Variants in POLQ observed in about 807,000 individuals in gnomAD.
POLQ encodes the protein epididymis secretory sperm binding protein.
POLQ carries 233 observed loss-of-function variants against 259.2 expected under a neutral mutation model. The observed-to-expected ratio is 0.90, with a 90% CI of 0.81 to 1.00. POLQ has a LOEUF of 1.00. Among genes scored for constraint, POLQ ranks in the 50% least tolerant of loss-of-function variants. The probability of loss-of-function intolerance (pLI) is 0.00; values close to 1 mark genes in which losing one functional copy is unlikely to be tolerated. For missense variants in POLQ, 2,871 were observed against 3,051.6 expected (o/e 0.94, Z 1.39); for synonymous variants, 1,025 against 1,048.8 (o/e 0.98, Z 0.44).
intron 26 of POLQ, among the ~76,000 whole-genome samples, chr3:121,440,885 TTACGA>T (rs2047586148): frequency 6.6e-6 from 1 of 152,124 alleles, no homozygotes; most frequent in Non-Finnish European, 1.5e-5. Flanking sequence ...AATGCATGAG[TTACGA>T]TAAATATTTC....
At chr3:121,461,543 C>G (rs552576696) in intron 24 of POLQ, among the ~76,000 whole-genome samples, 1 of 150,962 alleles carries the variant, frequency 6.6e-6, no homozygotes, top group Non-Finnish European at 1.5e-5. Context: ...CCCAGCTAGT[C>G]GGGAGGCTGA....
chr3:121,502,292 C>A (rs2048176851), intron 12 of POLQ, among the ~76,000 whole-genome samples: 1 of 152,184 alleles, frequency 6.6e-6, no homozygotes, highest in Non-Finnish European at 1.5e-5. Flanking sequence ...CAACCTCTAC[C>A]TCCCAGGTTC....
chr3:121,500,766 C>T lies in POLQ; in HGVS notation c.1960-2096G>A, dbSNP rs371639939. Among the ~76,000 whole-genome samples, 24 of 152,062 alleles carry T rather than the reference C, an allele frequency of 1.6e-4. No individual in the cohort carries two copies. The East Asian group carries it at 1.7e-3, about 11-fold the overall frequency. ...ACATACAAAGGCATCCATACAAAGA[C>T]GCATCACAGTCAAAACATTAAAACT... is the stretch of plus-strand genomic sequence containing the variant. On this transcript the variant is annotated intron_variant, in intron 12 of 29. Coordinates refer to ENST00000264233, the MANE Select transcript of POLQ (RefSeq NM_199420.4).
intron 9 of POLQ, among the ~76,000 whole-genome samples, chr3:121,519,285 A>C (rs959112721): frequency 2.0e-5 from 3 of 151,668 alleles, no homozygotes; most frequent in African/African-American, 7.2e-5. Context: ...GATTTACATA[A>C]TACTAAATCA....
intron 21 of POLQ, 136 bp from the exon 22 acceptor site, chr3:121,472,300 T>C: frequency 2.2e-6 from 1 of 456,796 alleles, no homozygotes; most frequent in Non-Finnish European, 3.9e-6. Context: ...TTACTTGGAG[T>C]TTTTTAAACC....
At chr3:121,451,246 G>C (rs2108778787) in intron 25 of POLQ, among the ~76,000 whole-genome samples, 1 of 152,292 alleles carries the variant, frequency 6.6e-6, no homozygotes, top group East Asian at 1.9e-4. Context: ...TCCTCCTTTA[G>C]CTCGGAGAAG....
chr3:121,460,020 C>G (rs2047777867), intron 25 of POLQ, 30 bp downstream of exon 25: 2 of 1,554,738 alleles, frequency 1.3e-6, no homozygotes, highest in East Asian at 4.5e-5. Flanking sequence ...AATTCTTCTC[C>G]TTTATATTAA....
At chr3:121,449,490 T>A (rs1433589880) in intron 25 of POLQ, 64 bp from the exon 26 acceptor site, 1 of 895,062 alleles carries the variant, frequency 1.1e-6, no homozygotes, top group African/African-American at 1.7e-5. Context: ...AAAGGGTTCA[T>A]TAGGATGCGA....
In POLQ at chr3:121,489,038, T is replaced by C. The variant is rs1271767037; in HGVS notation, c.3893A>G (p.Tyr1298Cys). 3.7e-6 allele frequency: 6 copies of C among 1,613,362 alleles called. 1 individual carries two copies. The highest frequency in any genetic ancestry group is 4.2e-6 in the Non-Finnish European group (5 of 1,179,470). ...ISRLQEKTGTYTTNKTKNNHV... is the reference protein window; with the variant it reads ...ISRLQEKTGTCTTNKTKNNHV... The stretch of plus-strand genomic sequence containing the variant: ...ATTATTTTTAGTTTTGTTTGTTGTA[T>C]AAGTACCTGTTTTTTCTTGTAGTCT... Residue 1298 changes from tyrosine to cysteine, a missense_variant, in exon 16 of 30, where the codon TAT (tyrosine) becomes TGT (cysteine). This residue lies in a region of POLQ where 2,080 missense variants were observed against 2,126.0 expected (regional missense o/e 0.98). Coordinates refer to ENST00000264233, the MANE Select transcript of POLQ (RefSeq NM_199420.4).
rs984054931 is a variant in POLQ at position 121,493,536 on chromosome 3, C to T, written c.2464G>A (p.Ala822Thr). ...ASGFHTVADL[A>T]RANIVEVEVI... ...TCCACCTCCACAATATTTGCTCTAGCAAGGTCTGCCACAGTATGAAAGCCA... is the reference window on the plus strand; with the variant it reads ...TCCACCTCCACAATATTTGCTCTAGTAAGGTCTGCCACAGTATGAAAGCCA... The change falls in exon 15 of 30, where the codon GCT becomes ACT. Residue 822 changes from alanine (A) to threonine (T), a missense_variant. Transcript: ENST00000264233. 1.2e-6 allele frequency: 2 copies of T among 1,613,766 alleles called. No homozygotes were observed. Among genetic ancestry groups the T allele is most frequent in the African/African-American group, 1.3e-5 (1 of 74,896 alleles).
In POLQ at chr3:121,490,202, G is replaced by A. The variant is rs1463427483; in HGVS notation, c.2729C>T (p.Ser910Leu). 3 of 1,613,668 alleles carry A rather than the reference G, an allele frequency of 1.9e-6. No homozygotes were observed. Among genetic ancestry groups the A allele is most frequent in the East Asian group, 2.2e-5 (1 of 44,886 alleles). ...PCALLHSSTCSLTHSESEVKE... is the reference protein window; with the variant it reads ...PCALLHSSTCLLTHSESEVKE... ...TACTTCGGACTCACTATGAGTCAAT[G>A]AGCATGTACTAGAATGTAACAGGGC... is the stretch of plus-strand genomic sequence containing the variant. The change falls in exon 16 of 30, where the codon TCA (serine) becomes TTA (leucine). Residue 910 changes from serine (S) to leucine (L), a missense_variant. Transcript: ENST00000264233.
At chr3:121,471,129 G>A (rs1174293676) in intron 22 of POLQ, among the ~76,000 whole-genome samples, 1 of 152,062 alleles carries the variant, frequency 6.6e-6, no homozygotes, top group Non-Finnish European at 1.5e-5. Context: ...ATCACATTTA[G>A]CAAATATTTA....
chr3:121,467,641 CTG>C lies in POLQ; in HGVS notation c.6846-3_6846-2del, dbSNP rs771232906. 6.2e-7 allele frequency: 1 copy of C among 1,613,540 alleles called. No individual in the cohort carries two copies. Among genetic ancestry groups the C allele is most frequent in the African/African-American group, 1.3e-5 (1 of 75,010 alleles). On this transcript the variant is annotated splice_acceptor_variant and splice_polypyrimidine_tract_variant and intron_variant, in intron 23 of 29. Coordinates refer to ENST00000264233, the MANE Select transcript of POLQ (RefSeq NM_199420.4). LOFTEE classifies it high-confidence loss of function. The stretch of plus-strand genomic sequence containing the variant: ...GCTGAAACCCTTCTTATATTTTCCT[CTG>C]TGGTGCAAACAACATCATCAGTTAG...
chr3:121,498,179 A>G (rs1030319471), intron 13 of POLQ, among the ~76,000 whole-genome samples: 2 of 152,058 alleles, frequency 1.3e-5, no homozygotes, highest in African/African-American at 2.4e-5. Context: ...GCATGGTGGC[A>G]CATGCCTGTA....
chr3:121,513,366 G>T (rs935183661), intron 9 of POLQ, among the ~76,000 whole-genome samples: 6 of 152,008 alleles, frequency 3.9e-5, no homozygotes, highest in African/African-American at 7.2e-5. Flanking sequence ...CACTTTGGGA[G>T]GCCGAGGAGG....
chr3:121,496,794 T>TTTG lies in POLQ; in HGVS notation c.2278+11_2278+13dup. On this transcript the variant is annotated intron_variant, in intron 14 of 29. Coordinates refer to ENST00000264233, the MANE Select transcript of POLQ (RefSeq NM_199420.4). ...ACAGTATTAAATAAATGTGAAACCC[T>TTTG]TTGTTTAACTGACCTGCATAAACAG... 1 of 1,596,968 alleles carries TTTG rather than the reference T, an allele frequency of 6.3e-7. No homozygotes were observed. The highest frequency in any genetic ancestry group is 8.5e-7 in the Non-Finnish European group (1 of 1,176,038).
At chr3:121,494,429 C>T in intron 14 of POLQ, 1 of 1,546,940 alleles carries the variant, frequency 6.5e-7, no homozygotes, top group Non-Finnish European at 8.9e-7. Flanking sequence ...AGAGTCAAGG[C>T]AAGAGAAGAA....
At chr3:121,438,305 G>C (rs1368608928) in intron 27 of POLQ, among the ~76,000 whole-genome samples, 1 of 152,072 alleles carries the variant, frequency 6.6e-6, no homozygotes, top group Non-Finnish European at 1.5e-5. Flanking sequence ...TTACTCTCTT[G>C]CATCTTCAGG....
intron 15 of POLQ, among the ~76,000 whole-genome samples, chr3:121,491,183 T>C (rs564712237): frequency 1.8e-4 from 27 of 151,652 alleles, no homozygotes; most frequent in Non-Finnish European, 3.8e-4. Flanking sequence ...TAAAACTCTT[T>C]CTCTACTAAA....
Sources: gnomAD v4.1 joint callset for allele counts (sites outside exome capture counted in the v4.1 genomes callset) on GRCh38, gnomAD v4.1.1 for gene constraint, gnomAD v4.1.1 regional missense constraint, MANE v1.5 for transcripts, NCBI Gene and HGNC (gene_info 2026-07-23, HGNC 2026-07-21) for gene names.